The following CACNG2 variants were observed in gnomAD, a reference collection of about 807,000 sequenced individuals.
CACNG2 encodes voltage-dependent calcium channel gamma-2 subunit.
In CACNG2, 3 loss-of-function variants were observed where a neutral mutation model predicts 25.9. The observed-to-expected ratio is 0.12, with a 90% confidence interval of 0.05 to 0.30. CACNG2 has a LOEUF of 0.30. Ranked by LOEUF, CACNG2 falls within the 10% of genes least tolerant of loss-of-function variation. The pLI is 1.00. For synonymous variants in CACNG2, 167 were observed against 173.3 expected, an observed-to-expected ratio of 0.96 and a Z score of 0.29; for missense variants, 341 against 432.5, an observed-to-expected ratio of 0.79 and a Z score of 1.88.
At chr22:36,610,372 G>A (rs1054811816) in intron 1 of CACNG2, among the ~76,000 whole-genome samples, 2 of 151,750 alleles carry the variant, frequency 1.3e-5, no homozygotes, top group African/African-American at 2.4e-5. Context: ...AGCGTGATTG[G>A]GAGGAATCAG....
intron 1 of CACNG2, among the ~76,000 whole-genome samples, chr22:36,699,275 AC>A (rs1287720346): frequency 6.8e-6 from 1 of 147,660 alleles, no homozygotes; most frequent in Non-Finnish European, 1.5e-5. Context: ...ACACACACAC[AC>A]AGACTTTTCA....
intron 3 of CACNG2, among the ~76,000 whole-genome samples, chr22:36,565,429 C>G (rs187448513): frequency 6.6e-6 from 1 of 151,338 alleles, no homozygotes; most frequent in Non-Finnish European, 1.5e-5. Context: ...TTTAGGGCCA[C>G]GGAGAGGGTT....
At chr22:36,698,428 GTGTC>G (rs1470695119) in intron 1 of CACNG2, among the ~76,000 whole-genome samples, 2 of 152,166 alleles carry the variant, frequency 1.3e-5, no homozygotes, top group Non-Finnish European at 2.9e-5. Flanking sequence ...GAAGGCAAGC[GTGTC>G]TGGGAAAGGC....
intron 2 of CACNG2, among the ~76,000 whole-genome samples, chr22:36,568,306 C>A (rs963479291): frequency 6.6e-6 from 1 of 152,034 alleles, no homozygotes; most frequent in East Asian, 1.9e-4. Context: ...ATCCCCGTCC[C>A]CACCCTTTTG....
intron 1 of CACNG2, among the ~76,000 whole-genome samples, chr22:36,590,103 G>C (rs1047892227): frequency 3.3e-5 from 5 of 152,140 alleles, no homozygotes; most frequent in African/African-American, 9.7e-5. Flanking sequence ...GCTGCATCCT[G>C]GTGGGCCACA....
At chr22:36,666,373 A>T (rs1370299197) in intron 1 of CACNG2, among the ~76,000 whole-genome samples, 1 of 152,126 alleles carries the variant, frequency 6.6e-6, no homozygotes, top group African/African-American at 2.4e-5. Flanking sequence ...ATGCCACTGC[A>T]CTCCAGCCTG....
chr22:36,587,888 C>T (rs1185290856), intron 1 of CACNG2, among the ~76,000 whole-genome samples: 7 of 152,178 alleles, frequency 4.6e-5, no homozygotes, highest in South Asian at 2.1e-4. Flanking sequence ...CTCCTCAGCC[C>T]GTCTCTGTGC....
intron 1 of CACNG2, among the ~76,000 whole-genome samples, chr22:36,589,611 A>G (rs964165498): frequency 6.6e-6 from 1 of 152,166 alleles, no homozygotes; most frequent in Non-Finnish European, 1.5e-5. Context: ...ACAATTCCCC[A>G]GACCATATCG....
At chr22:36,660,001 C>T (rs1322943927) in intron 1 of CACNG2, among the ~76,000 whole-genome samples, 1 of 152,216 alleles carries the variant, frequency 6.6e-6, no homozygotes, top group Non-Finnish European at 1.5e-5. Context: ...GACTGCCCAG[C>T]CTCCTCTGGG....
chr22:36,659,208 C>G (rs1380999959), intron 1 of CACNG2, among the ~76,000 whole-genome samples: 1 of 152,112 alleles, frequency 6.6e-6, no homozygotes, highest in East Asian at 1.9e-4. Flanking sequence ...GGTGGGGGCT[C>G]TGTCCTCTTG....
chr22:36,588,388 A>G (rs1393395425), intron 1 of CACNG2, among the ~76,000 whole-genome samples: 1 of 152,220 alleles, frequency 6.6e-6, no homozygotes, highest in East Asian at 1.9e-4. Context: ...GGTCCTCCCC[A>G]GTGTTCACTG....
intron 1 of CACNG2, among the ~76,000 whole-genome samples, chr22:36,680,543 G>A (rs1188054186): frequency 7.2e-6 from 1 of 138,126 alleles, no homozygotes; most frequent in African/African-American, 2.8e-5. Context: ...CTGCATCATG[G>A]TTACAATTAC....
At chr22:36,577,373 C>A (rs112925809) in intron 2 of CACNG2, among the ~76,000 whole-genome samples, 1 of 152,022 alleles carries the variant, frequency 6.6e-6, no homozygotes, top group Non-Finnish European at 1.5e-5. Context: ...GAACCGGGGC[C>A]GGGCGCGGTG....
At chr22:36,622,317 A>C (rs1250262061) in intron 1 of CACNG2, among the ~76,000 whole-genome samples, 1 of 152,242 alleles carries the variant, frequency 6.6e-6, no homozygotes, top group East Asian at 1.9e-4. Flanking sequence ...TGCAGACTGC[A>C]GGGCCCTATG....
chr22:36,628,240 T>C (rs1389579245), intron 1 of CACNG2, among the ~76,000 whole-genome samples: 1 of 152,232 alleles, frequency 6.6e-6, no homozygotes, highest in African/African-American at 2.4e-5. Flanking sequence ...ACGAGATGTT[T>C]TTGAAAGGTA....
chr22:36,583,841 C>G (rs897916155), intron 2 of CACNG2, among the ~76,000 whole-genome samples: 7 of 152,314 alleles, frequency 4.6e-5, no homozygotes, highest in Middle Eastern at 3.4e-3. Context: ...TGAGGTCTCC[C>G]CCTGGTCCCA....
rs980139288 is a variant in CACNG2, at chr22:36,679,219, T to C, written c.211+23147A>G. Among the ~76,000 whole-genome samples, 277 of 140,754 alleles carry C rather than the reference T, an allele frequency of 2.0e-3. 4 individuals carry two copies. The highest frequency in any genetic ancestry group is 6.9e-3 in the African/African-American group (267 of 38,420). The allele number at this position is 140,754 out of a possible 152,430, so 92.3% of individuals were successfully genotyped here. A position where few individuals can be genotyped will look rare whatever the true frequency, so the allele number is the denominator to read the frequency against. ...CTTCCTTTCTTTCTTTCTTTCTTTCTTTCTTTCTTTCCTTCTTTCTTTCTT... is the reference window on the plus strand; with the variant it reads ...CTTCCTTTCTTTCTTTCTTTCTTTCCTTCTTTCTTTCCTTCTTTCTTTCTT... On this transcript the variant is annotated intron_variant, in intron 1 of 3. Transcript: ENST00000300105.
At chr22:36,637,513 G>A (rs61666006) in intron 1 of CACNG2, among the ~76,000 whole-genome samples, 3,471 of 152,198 alleles carry the variant, frequency 0.023, 136 homozygotes, top group African/African-American at 0.081. Flanking sequence ...CTTGGAAGTC[G>A]GGCTCTCGGT....
chr22:36,680,336 T>TCAC (rs1937090041), intron 1 of CACNG2, among the ~76,000 whole-genome samples: 1 of 139,594 alleles, frequency 7.2e-6, no homozygotes, highest in Non-Finnish European at 1.5e-5. Flanking sequence ...ACCACCGCCA[T>TCAC]CACCATCATC....
Sources: gnomAD v4.1 joint callset for allele counts (sites outside exome capture counted in the v4.1 genomes callset) on GRCh38, gnomAD v4.1.1 for gene constraint, MANE v1.5 for transcripts, NCBI Gene and HGNC (gene_info 2026-07-23, HGNC 2026-07-21) for gene names.